Variants in MRPL22 observed in about 807,000 individuals in gnomAD.
The protein encoded by MRPL22 is large ribosomal subunit protein uL22m.
MRPL22 carries 27 observed loss-of-function variants against 32.4 expected under a neutral mutation model. The ratio of observed to expected loss-of-function variants is 0.83; its 90% CI spans 0.61 to 1.15. The LOEUF is 1.15. Among genes scored for constraint, MRPL22 ranks in the 50% most tolerant of loss-of-function variants. The probability of loss-of-function intolerance (pLI) is 0.00; values close to 1 mark genes in which losing one functional copy is unlikely to be tolerated. For synonymous variants in MRPL22, 86 were observed against 87.3 expected (o/e 0.99, Z 0.08); for missense variants, 239 against 260.2 (o/e 0.92, Z 0.56).
At chr5:154,957,914 C>CTTTTTTTTT (rs912216773) in intron 5 of MRPL22, among the ~76,000 whole-genome samples, 3 of 120,864 alleles carry the variant, frequency 2.5e-5, no homozygotes, top group Non-Finnish European at 3.4e-5. Flanking sequence ...ATATATTTTT[C>CTTTTTTTTT]TTTTTTTTTT....
rs182838056 is a variant in MRPL22, at chr5:154,947,103, G to C, written c.78-3718G>C. 3.5e-3 allele frequency among the ~76,000 whole-genome samples: 534 copies of C among 152,184 alleles called. 1 individual carries two copies. The highest frequency in any genetic ancestry group is 6.1e-3 in the Non-Finnish European group (413 of 68,012). The stretch of plus-strand genomic sequence containing the variant: ...CAAGTAATAATATCTAAAATTTATT[G>C]AGCCCTTTTAAGTGTCAGGTTAAGT... On this transcript the variant is annotated intron_variant, in intron 2 of 6. Coordinates refer to ENST00000523037, the MANE Select transcript of MRPL22 (RefSeq NM_014180.4).
In MRPL22 at chr5:154,943,817, T is replaced by C. The variant is rs1306242123; in HGVS notation, c.77+2552T>C. 4.6e-5 allele frequency among the ~76,000 whole-genome samples: 7 copies of C among 151,926 alleles called. No homozygotes were observed. The South Asian group carries it at 8.3e-4, about 18-fold the overall frequency. On this transcript the variant is annotated intron_variant, in intron 2 of 6. Transcript: ENST00000523037. ...AGCAGCTGGGATCACAGGCGTGCAC[T>C]ACTACACCTGACTTTTTTTTGAGTT...
intron 3 of MRPL22, among the ~76,000 whole-genome samples, chr5:154,954,884 C>T (rs1367319036): frequency 1.3e-5 from 2 of 152,236 alleles, no homozygotes; most frequent in South Asian, 2.1e-4. Flanking sequence ...CTCCACCTCC[C>T]GGGTTCATGG....
At chr5:154,955,860 T>A (rs1764622534) in intron 3 of MRPL22, 1 of 153,478 alleles carries the variant, frequency 6.5e-6, no homozygotes, top group Admixed American at 6.5e-5. Flanking sequence ...AGTAGCTTGC[T>A]CAAGATTATG....
At chr5:154,952,071 C>T (rs1055915836) in intron 3 of MRPL22, among the ~76,000 whole-genome samples, 6 of 151,834 alleles carry the variant, frequency 4.0e-5, no homozygotes, top group South Asian at 4.2e-4. Flanking sequence ...TTAGTAGAGA[C>T]GGGGTTTCAT....
Position 154,966,696 on chromosome 5 carries a change from C to T in MRPL22, c.420C>T (p.Thr140=). ...FRSNLYIAES[T]SGRGQCLKRI... Reference sequence around the variant, plus strand: ...TTTCTTCCTGTTTAGCTGAGTCCACCTCAGGACGAGGCCAGTGCCTGAAAC... The same window carrying T: ...TTTCTTCCTGTTTAGCTGAGTCCACTTCAGGACGAGGCCAGTGCCTGAAAC... The change falls in exon 7 of 7, where the codon ACC becomes ACT. Residue 140 remains threonine (T), a synonymous_variant. Coordinates refer to ENST00000523037, the MANE Select transcript of MRPL22 (RefSeq NM_014180.4). 1 of 1,613,898 alleles carries T rather than the reference C, an allele frequency of 6.2e-7. No individual in the cohort carries two copies. The highest frequency in any genetic ancestry group is 8.5e-7 in the Non-Finnish European group (1 of 1,180,026).
chr5:154,956,152 TTTC>T (rs1391136413), intron 3 of MRPL22: 2 of 473,088 alleles, frequency 4.2e-6, no homozygotes, highest in Non-Finnish European at 7.4e-6. Flanking sequence ...ATAGTTTCTA[TTTC>T]TCCCGTAGTA....
chr5:154,945,551 C>T (rs546670996), intron 2 of MRPL22, among the ~76,000 whole-genome samples: 2 of 152,318 alleles, frequency 1.3e-5, no homozygotes, highest in African/African-American at 4.8e-5. Flanking sequence ...TTTAAAGCTG[C>T]AAAGCTGGTT....
chr5:154,956,633 A>C, intron 4 of MRPL22, 197 bp downstream of exon 4: 1 of 538,868 alleles, frequency 1.9e-6, no homozygotes, highest in Non-Finnish European at 3.2e-6. Flanking sequence ...TGAGAAACTA[A>C]ATCACATTGG....
At position 154,950,959 on chromosome 5, in the gene MRPL22, A is replaced by C. The variant is rs374725389; in HGVS notation, c.195+21A>C. ...CAGCAGTAAGTTCGTGGGTAGAACT[A>C]ATCTCTTAATTGTGGTAGTGCTCTT... On this transcript the variant is annotated intron_variant, in intron 3 of 6. Transcript: ENST00000523037. 5.8e-5 allele frequency: 84 copies of C among 1,439,758 alleles called. 1 individual carries two copies. The African/African-American group carries it at 1.0e-3, about 18-fold the overall frequency. The allele number at this position is 1,439,758 out of a possible 1,614,324, so 89.2% of individuals were successfully genotyped here.
At chr5:154,959,623 A>G (rs146491410) in intron 5 of MRPL22, among the ~76,000 whole-genome samples, 1 of 152,318 alleles carries the variant, frequency 6.6e-6, no homozygotes, top group Non-Finnish European at 1.5e-5. Flanking sequence ...TACTGGGACC[A>G]TGGACATGTG....
rs751652563 is a variant in MRPL22, at chr5:154,956,350, C to CT, written c.196-13dup. Reference sequence around the variant, plus strand: ...AACCTGCTAACATTTTCTTTCTGTCCTTTTTTTTCCAATTTGTAAGGAAAT... The same window carrying CT: ...AACCTGCTAACATTTTCTTTCTGTCCTTTTTTTTTCCAATTTGTAAGGAAAT... On this transcript the variant is annotated intron_variant, in intron 3 of 6. Transcript: ENST00000523037. The CT allele has an allele frequency of 6.9e-5, 107 of 1,545,510 alleles. No homozygotes were observed. In the Admixed American group the frequency reaches 9.3e-4, roughly 13 times the overall value.
intron 2 of MRPL22, among the ~76,000 whole-genome samples, chr5:154,949,135 C>G (rs1764527847): frequency 6.6e-6 from 1 of 152,222 alleles, no homozygotes; most frequent in South Asian, 2.1e-4. Flanking sequence ...TCAGCCATTT[C>G]TCTCAGAAGT....
intron 5 of MRPL22, among the ~76,000 whole-genome samples, chr5:154,959,749 T>C (rs907317598): frequency 3.9e-5 from 6 of 152,204 alleles, no homozygotes; most frequent in Admixed American, 6.5e-5. Context: ...CTTACACATG[T>C]CATTTAAAAC....
intron 3 of MRPL22, among the ~76,000 whole-genome samples, chr5:154,955,040 C>T (rs1432955031): frequency 1.3e-5 from 2 of 151,882 alleles, no homozygotes; most frequent in South Asian, 2.1e-4. Flanking sequence ...GTGATCCGGC[C>T]GCCTCGGCCT....
intron 2 of MRPL22, among the ~76,000 whole-genome samples, chr5:154,941,640 G>A (rs115298588): frequency 4.7e-4 from 71 of 152,308 alleles, no homozygotes; most frequent in African/African-American, 1.7e-3. Context: ...CGTCGTACCT[G>A]ACATTGTGTT....
intron 3 of MRPL22, 96 bp downstream of exon 3, chr5:154,951,034 A>G (rs1329139136): frequency 5.2e-6 from 4 of 766,962 alleles, no homozygotes; most frequent in Admixed American, 2.4e-5. Flanking sequence ...AAAAAATTAT[A>G]CAACCATTCA....
intron 2 of MRPL22, among the ~76,000 whole-genome samples, chr5:154,944,232 A>G (rs914687306): frequency 1.1e-4 from 17 of 152,214 alleles, no homozygotes; most frequent in East Asian, 5.8e-4. Flanking sequence ...TGCTGGGATT[A>G]CAGGCATGAG....
At chr5:154,955,255 C>T (rs1300206483) in intron 3 of MRPL22, 1 of 152,194 alleles carries the variant, frequency 6.6e-6, no homozygotes, top group Non-Finnish European at 1.5e-5. Flanking sequence ...GCTTCTATTG[C>T]AACTGAAATC....
Sources: gnomAD v4.1 joint callset for allele counts (sites outside exome capture counted in the v4.1 genomes callset) on GRCh38, gnomAD v4.1.1 for gene constraint, MANE v1.5 for transcripts, NCBI Gene and HGNC (gene_info 2026-07-23, HGNC 2026-07-21) for gene names.